Variants in RCOR1 observed in about 807,000 individuals in gnomAD.
RCOR1 encodes REST corepressor.
RCOR1 carries 12 observed loss-of-function variants against 64.0 expected under a neutral mutation model. The observed-to-expected ratio is 0.19, with a 90% confidence interval of 0.12 to 0.30. RCOR1 has a LOEUF of 0.30. RCOR1 is among the 10% of genes least tolerant of loss of function. The pLI, the probability that RCOR1 is intolerant of heterozygous loss-of-function variation, is 1.00. For missense variants in RCOR1, 502 were observed against 621.2 expected (o/e 0.81, Z 2.04); for synonymous variants, 279 against 227.2 (o/e 1.23, Z -2.05).
intron 2 of RCOR1, 77 bp downstream of exon 2, chr14:102,593,402 AG>A: frequency 7.2e-7 from 1 of 1,395,850 alleles, no homozygotes; most frequent in Non-Finnish European, 9.3e-7. Flanking sequence ...AGGGGGCGGG[AG>A]CCCGCCGACA....
At chr14:102,681,866 T>A in intron 2 of RCOR1, 29 bp from the exon 3 acceptor site, 1 of 1,527,912 alleles carries the variant, frequency 6.5e-7, no homozygotes, top group South Asian at 1.1e-5. Flanking sequence ...TAAATTTTAA[T>A]AAGAATTTTC....
chr14:102,668,396 A>G (rs777260646), intron 2 of RCOR1, among the ~76,000 whole-genome samples: 1 of 152,262 alleles, frequency 6.6e-6, no homozygotes, highest in Non-Finnish European at 1.5e-5. Context: ...TCAGGTAAGC[A>G]GTGGCAGTAC....
intron 2 of RCOR1, among the ~76,000 whole-genome samples, chr14:102,674,699 A>G (rs752351230): frequency 1.3e-5 from 2 of 152,126 alleles, no homozygotes; most frequent in Non-Finnish European, 2.9e-5. Flanking sequence ...CTTGATGGCA[A>G]CTGGTAATTG....
chr14:102,684,488 A>G (rs981160275), intron 3 of RCOR1, among the ~76,000 whole-genome samples: 2 of 152,180 alleles, frequency 1.3e-5, no homozygotes, highest in Non-Finnish European at 2.9e-5. Flanking sequence ...AGAGTGAACA[A>G]AGTCCACTAG....
chr14:102,655,863 G>A (rs558274975), intron 2 of RCOR1: 1 of 501,036 alleles, frequency 2.0e-6, no homozygotes, highest in East Asian at 1.6e-4. Context: ...TGAGGCAAGA[G>A]AATTCCTTGA....
At chr14:102,653,951 C>A (rs868227548) in intron 2 of RCOR1, among the ~76,000 whole-genome samples, 1 of 44,814 alleles carries the variant, frequency 2.2e-5, no homozygotes, top group South Asian at 5.9e-4. Flanking sequence ...TTCTTTCTTT[C>A]TTTCTTTCTT....
chr14:102,688,940 C>T (rs1412231466), intron 3 of RCOR1, among the ~76,000 whole-genome samples: 1 of 152,188 alleles, frequency 6.6e-6, no homozygotes, highest in Non-Finnish European at 1.5e-5. Flanking sequence ...GATCTGCACC[C>T]TAAATGCCCA....
rs138013362 is a variant in RCOR1, at chr14:102,663,216, G to A, written c.362-18679G>A. ...GTTGCTCCTCCTTGCCGTCCGCCAT[G>A]ACTGTGAGGCTTCCCCAGCTGCATG... is the stretch of plus-strand genomic sequence containing the variant. On this transcript the variant is annotated intron_variant, in intron 2 of 11. Coordinates refer to ENST00000262241, the MANE Select transcript of RCOR1 (RefSeq NM_015156.4). Among the ~76,000 whole-genome samples the A allele has an allele frequency of 9.4e-3, 1,427 of 152,280 alleles. 24 individuals carry two copies. The highest frequency in any genetic ancestry group is 0.033 in the African/African-American group (1,351 of 41,536).
At chr14:102,652,938 T>G (rs1894621122) in intron 2 of RCOR1, among the ~76,000 whole-genome samples, 1 of 152,162 alleles carries the variant, frequency 6.6e-6, no homozygotes. Flanking sequence ...TTAGTTTTAT[T>G]ATTACTATTT....
chr14:102,611,823 C>A (rs1567407219), intron 2 of RCOR1, among the ~76,000 whole-genome samples: 1 of 152,060 alleles, frequency 6.6e-6, no homozygotes, highest in Non-Finnish European at 1.5e-5. Flanking sequence ...CCATTTGATT[C>A]TTTTGGGTAT....
At chr14:102,618,583 C>T (rs985155607) in intron 2 of RCOR1, among the ~76,000 whole-genome samples, 1 of 152,174 alleles carries the variant, frequency 6.6e-6, no homozygotes, top group Non-Finnish European at 1.5e-5. Context: ...CAATGTACTC[C>T]AGCCTGGGCA....
intron 2 of RCOR1, among the ~76,000 whole-genome samples, chr14:102,614,628 G>C (rs1893713328): frequency 6.6e-6 from 1 of 152,030 alleles, no homozygotes; most frequent in African/African-American, 2.4e-5. Flanking sequence ...TTAGTTCTCT[G>C]CTTGCTTGGC....
intron 2 of RCOR1, among the ~76,000 whole-genome samples, chr14:102,653,054 T>TCCC (rs1894623871): frequency 6.6e-6 from 1 of 152,148 alleles, no homozygotes; most frequent in African/African-American, 2.4e-5. Context: ...TGCCTCAGCC[T>TCCC]CCCGAGTAGC....
chr14:102,623,387 A>T lies in RCOR1; in HGVS notation c.361+30062A>T, dbSNP rs1040293311. 1.7e-3 allele frequency among the ~76,000 whole-genome samples: 213 copies of T among 124,834 alleles called. 1 individual carries two copies. Among genetic ancestry groups the T allele is most frequent in the African/African-American group, 4.4e-3 (135 of 30,954 alleles). The allele number at this position is 124,834 out of a possible 152,430, so 81.9% of individuals were successfully genotyped here. On this transcript the variant is annotated intron_variant, in intron 2 of 11. Coordinates refer to ENST00000262241, the MANE Select transcript of RCOR1 (RefSeq NM_015156.4). Reference sequence around the variant, plus strand: ...AACAATTTACTTCCTTTATTTATTTATTATTTATTTATTTATTTATTTATT... The same window carrying T: ...AACAATTTACTTCCTTTATTTATTTTTTATTTATTTATTTATTTATTTATT...
intron 2 of RCOR1, among the ~76,000 whole-genome samples, chr14:102,605,763 A>T (rs892753670): frequency 6.6e-6 from 1 of 152,098 alleles, no homozygotes; most frequent in Non-Finnish European, 1.5e-5. Flanking sequence ...GTCCTTCAGG[A>T]GGTATTCCAG....
intron 2 of RCOR1, among the ~76,000 whole-genome samples, chr14:102,648,932 A>G (rs1257594316): frequency 6.6e-6 from 1 of 152,214 alleles, no homozygotes; most frequent in African/African-American, 2.4e-5. Context: ...GTGAGTGAAG[A>G]CAGGGCTCCA....
chr14:102,656,725 C>T (rs1309778313), intron 2 of RCOR1, among the ~76,000 whole-genome samples: 2 of 151,934 alleles, frequency 1.3e-5, no homozygotes, highest in African/African-American at 4.8e-5. Context: ...ACCTCAGCCT[C>T]CCAAAGTGCT....
chr14:102,674,190 T>G (rs1165060841), intron 2 of RCOR1, among the ~76,000 whole-genome samples: 1 of 152,214 alleles, frequency 6.6e-6, no homozygotes, highest in African/African-American at 2.4e-5. Context: ...TCTGCTCTTA[T>G]GACCTTTAGG....
At chr14:102,683,882 T>C (rs545331148) in intron 3 of RCOR1, among the ~76,000 whole-genome samples, 116 of 152,296 alleles carry the variant, frequency 7.6e-4, no homozygotes, top group African/African-American at 2.7e-3. Context: ...AGTCCCTAGC[T>C]CTGCGGGGGC....
Sources: gnomAD v4.1 joint callset for allele counts (sites outside exome capture counted in the v4.1 genomes callset) on GRCh38, gnomAD v4.1.1 for gene constraint, MANE v1.5 for transcripts, NCBI Gene and HGNC (gene_info 2026-07-23, HGNC 2026-07-21) for gene names.